TEX2: variants seen among roughly 807,000 people sequenced by gnomAD.
TEX2 encodes testis-expressed protein 2.
TEX2 carries 53 observed loss-of-function variants against 106.9 expected under a neutral mutation model. That is an observed-to-expected ratio of 0.50 (90% CI 0.40 to 0.62). The LOEUF is 0.62. TEX2 is among the 20% of genes least tolerant of loss of function. The probability of loss-of-function intolerance (pLI) is 0.00; values close to 1 mark genes in which losing one functional copy is unlikely to be tolerated. For synonymous variants in TEX2, 523 were observed against 534.8 expected, an observed-to-expected ratio of 0.98 and a Z score of 0.30; for missense variants, 1,207 against 1,379.0, an observed-to-expected ratio of 0.88 and a Z score of 1.98.
At position 64,173,983 on chromosome 17, in the gene TEX2, C is replaced by T. The variant is rs145780112; in HGVS notation, c.2572-2784G>A. Among the ~76,000 whole-genome samples, 58 of 152,174 alleles carry T rather than the reference C, an allele frequency of 3.8e-4. No individual in the cohort carries two copies. The East Asian group carries it at 0.011, about 28-fold the overall frequency. ...ACCTCAACCTTCTGAGTAGCTGGGA[C>T]TATAGGCATGTACCACTACCACGCT... On this transcript the variant is annotated intron_variant, in intron 6 of 11. Coordinates refer to ENST00000584379, the MANE Select transcript of TEX2 (RefSeq NM_001288732.2).
At chr17:64,223,937 G>A (rs555411305) in intron 1 of TEX2, among the ~76,000 whole-genome samples, 77 of 152,212 alleles carry the variant, frequency 5.1e-4, no homozygotes, top group African/African-American at 1.8e-3. Flanking sequence ...GGAGGCCGAG[G>A]CAGGTAACAC....
chr17:64,260,974 G>A (rs1555638465), intron 1 of TEX2, among the ~76,000 whole-genome samples: 2 of 152,172 alleles, frequency 1.3e-5, no homozygotes, highest in African/African-American at 2.4e-5. Flanking sequence ...CAGACGTGAG[G>A]ATTAATATAA....
At chr17:64,157,432 A>C (rs920586182) in intron 8 of TEX2, among the ~76,000 whole-genome samples, 2 of 152,238 alleles carry the variant, frequency 1.3e-5, no homozygotes, top group African/African-American at 4.8e-5. Flanking sequence ...TGGTCTCATA[A>C]TGACCACCAC....
At chr17:64,243,808 C>CT (rs782115456) in intron 1 of TEX2, among the ~76,000 whole-genome samples, 19,146 of 134,422 alleles carry the variant, frequency 0.14, 1,716 homozygotes, top group Non-Finnish European at 0.19. Context: ...TAAAACACCA[C>CT]TTTTTTTTTT....
At chr17:64,230,986 A>C (rs1273856370) in intron 1 of TEX2, among the ~76,000 whole-genome samples, 1 of 152,222 alleles carries the variant, frequency 6.6e-6, no homozygotes, top group Non-Finnish European at 1.5e-5. Context: ...TCCCATTAAC[A>C]AATACTTCTA....
chr17:64,231,470 A>T (rs1555634598), intron 1 of TEX2, among the ~76,000 whole-genome samples: 3 of 152,192 alleles, frequency 2.0e-5, no homozygotes, highest in Non-Finnish European at 4.4e-5. Context: ...CTGGCCCTTC[A>T]CACCACTCTG....
rs1555632150 is a variant in TEX2, at chr17:64,213,728, A to G, written c.490T>C (p.Leu164=). ...SEQKTSSSSP[L]SSPSKSPILS... is the part of the protein sequence containing the mutation. Reference sequence around the variant, plus strand: ...ATGGGAGACTTAGAAGGAGAGGACAATGGGGAGGAAGAACTGGTTTTCTGC... The same window carrying G: ...ATGGGAGACTTAGAAGGAGAGGACAGTGGGGAGGAAGAACTGGTTTTCTGC... Residue 164 remains leucine, a synonymous_variant, in exon 2 of 12, where the codon TTG becomes CTG. Transcript: ENST00000584379. This position sits in a 1 kb window ranked among gnomAD's most constrained non-coding sequence, Gnocchi z 4.4. 1 of 1,614,134 alleles carries G rather than the reference A, an allele frequency of 6.2e-7. No homozygotes were observed. Among genetic ancestry groups the G allele is most frequent in the South Asian group, 1.1e-5 (1 of 91,080 alleles).
intron 7 of TEX2, among the ~76,000 whole-genome samples, chr17:64,165,736 C>T (rs767167008): frequency 6.6e-6 from 1 of 151,976 alleles, no homozygotes; most frequent in Non-Finnish European, 1.5e-5. Context: ...CTGGTAGGAT[C>T]CAGTCTGGAA....
intron 1 of TEX2, among the ~76,000 whole-genome samples, chr17:64,259,336 A>G (rs2034246621): frequency 6.6e-6 from 1 of 152,234 alleles, no homozygotes; most frequent in Admixed American, 6.5e-5. Flanking sequence ...GTAATTACGC[A>G]TTATAAAGAG....
chr17:64,176,804 A>G (rs1237985168), intron 6 of TEX2, among the ~76,000 whole-genome samples: 1 of 152,238 alleles, frequency 6.6e-6, no homozygotes, highest in Non-Finnish European at 1.5e-5. Context: ...GAGGGAGCAC[A>G]GCCTGGGAAA....
intron 1 of TEX2, among the ~76,000 whole-genome samples, chr17:64,219,505 C>CATAAA (rs1567951398): frequency 2.3e-5 from 2 of 87,766 alleles, no homozygotes; most frequent in South Asian, 4.5e-4. Context: ...GACTCCATCT[C>CATAAA]ATCAAATAAA....
chr17:64,186,078 A>T (rs956411544), intron 5 of TEX2, among the ~76,000 whole-genome samples: 19 of 152,246 alleles, frequency 1.2e-4, no homozygotes, highest in Admixed American at 3.3e-4. Context: ...TGCACATGTA[A>T]CACAAACCAA....
intron 1 of TEX2, among the ~76,000 whole-genome samples, chr17:64,244,656 T>C (rs2033953902): frequency 1.3e-5 from 2 of 152,178 alleles, no homozygotes; most frequent in South Asian, 4.1e-4. Context: ...CTGTTCCCAC[T>C]GTCCCCTGCC....
At chr17:64,232,770 T>G (rs1479177138) in intron 1 of TEX2, among the ~76,000 whole-genome samples, 1 of 152,200 alleles carries the variant, frequency 6.6e-6, no homozygotes, top group African/African-American at 2.4e-5. Flanking sequence ...GCAAGGAAAC[T>G]TGATGGTTTG....
intron 7 of TEX2, among the ~76,000 whole-genome samples, chr17:64,164,883 C>G (rs747710921): frequency 6.6e-6 from 1 of 152,182 alleles, no homozygotes; most frequent in Admixed American, 6.5e-5. Flanking sequence ...TCAGTCCTCC[C>G]GTGGCCATGT....
intron 2 of TEX2, among the ~76,000 whole-genome samples, chr17:64,208,379 C>A (rs942411553): frequency 1.3e-5 from 2 of 151,418 alleles, no homozygotes; most frequent in Non-Finnish European, 2.9e-5. Flanking sequence ...GCTGGGACTG[C>A]AAGCTGCGCC....
intron 1 of TEX2, among the ~76,000 whole-genome samples, chr17:64,218,559 C>G (rs1273199537): frequency 6.6e-6 from 1 of 152,076 alleles, no homozygotes; most frequent in African/African-American, 2.4e-5. Context: ...GCTGGGACTA[C>G]AGACGCCCGC....
intron 7 of TEX2, among the ~76,000 whole-genome samples, 197 bp downstream of exon 7, chr17:64,170,903 G>A (rs1377824932): frequency 6.6e-6 from 1 of 152,106 alleles, no homozygotes; most frequent in Non-Finnish European, 1.5e-5. Context: ...CCAAAATGCT[G>A]GGATTACAGG....
intron 2 of TEX2, among the ~76,000 whole-genome samples, chr17:64,198,013 AT>A (rs1351473693): frequency 6.6e-6 from 1 of 152,080 alleles, no homozygotes; most frequent in Non-Finnish European, 1.5e-5. Context: ...GTTTAGAAGT[AT>A]TTTGCTTAAT....
Sources: gnomAD v4.1 joint callset for allele counts (sites outside exome capture counted in the v4.1 genomes callset) on GRCh38, gnomAD v4.1.1 for gene constraint, Gnocchi (gnomAD v3.1) non-coding constraint, MANE v1.5 for transcripts, NCBI Gene and HGNC (gene_info 2026-07-23, HGNC 2026-07-21) for gene names.